GPHN: variants seen among roughly 807,000 people sequenced by gnomAD.
The protein encoded by GPHN is gephyrin.
GPHN carries 17 observed loss-of-function variants against 95.5 expected under a neutral mutation model. The observed-to-expected ratio is 0.18, with a 90% CI of 0.12 to 0.27. The LOEUF (loss-of-function observed/expected upper bound fraction) is 0.27, where lower values mean the gene tolerates loss of function less well. Among genes scored for constraint, GPHN ranks in the 10% least tolerant of loss-of-function variants. The pLI, the probability that GPHN is intolerant of heterozygous loss-of-function variation, is 1.00. For missense variants in GPHN, 660 were observed against 978.1 expected (o/e 0.67, Z 4.34); for synonymous variants, 320 against 322.5 (o/e 0.99, Z 0.08).
At chr14:66,863,528 A>C (rs189952399) in intron 4 of GPHN, among the ~76,000 whole-genome samples, 33 of 152,310 alleles carry the variant, frequency 2.2e-4, no homozygotes, top group African/African-American at 6.5e-4. Flanking sequence ...CTAAGCAAAA[A>C]GAACAAAACT....
intron 1 of GPHN, among the ~76,000 whole-genome samples, chr14:66,541,569 G>A (rs896050869): frequency 1.3e-5 from 2 of 152,140 alleles, no homozygotes; most frequent in African/African-American, 4.8e-5. Flanking sequence ...GCAATTCTTA[G>A]TGGTTCAGAT....
intron 2 of GPHN, among the ~76,000 whole-genome samples, chr14:66,750,242 A>G (rs1314604633): frequency 6.6e-6 from 1 of 151,980 alleles, no homozygotes; most frequent in Admixed American, 6.6e-5. Flanking sequence ...TTCATTTTGA[A>G]TTAATTTTTG....
the GPHN span, among the ~76,000 whole-genome samples, chr14:67,598,042 C>T: frequency 4.2e-3 from 642 of 152,294 alleles, 42 homozygotes; most frequent in East Asian, 0.11. Context: ...CTACTATCTG[C>T]ATTTTTTTCA....
At chr14:67,225,293 G>GGAAT in the GPHN span, 3 of 1,415,496 alleles carry the variant, frequency 2.1e-6, no homozygotes, top group African/African-American at 4.4e-5. Context: ...AGTCTCTATA[G>GGAAT]GAATACATGA....
chr14:67,189,735 G>A, the GPHN span: 1 of 152,000 alleles, frequency 6.6e-6, no homozygotes, highest in Admixed American at 6.6e-5. Flanking sequence ...AAGCTGAAAA[G>A]CCGAGAGACT....
At chr14:66,542,777 ACT>A (rs2059401752) in intron 1 of GPHN, among the ~76,000 whole-genome samples, 2 of 152,116 alleles carry the variant, frequency 1.3e-5, no homozygotes, top group Non-Finnish European at 2.9e-5. Context: ...GTGCTCAATG[ACT>A]CTAATTTCTT....
intron 9 of GPHN, among the ~76,000 whole-genome samples, chr14:66,997,925 A>T (rs2153608323): frequency 6.6e-6 from 1 of 152,330 alleles, no homozygotes; most frequent in Middle Eastern, 3.4e-3. Context: ...TCTTTTCTTA[A>T]TTCCCAAAGA....
chr14:66,940,102 C>A (rs889581913), intron 8 of GPHN, among the ~76,000 whole-genome samples: 2 of 151,968 alleles, frequency 1.3e-5, no homozygotes, highest in Non-Finnish European at 2.9e-5. Flanking sequence ...TGAGCTCAAT[C>A]CTAAGCCAAT....
chr14:67,320,264 A>C, the GPHN span: 1 of 1,613,486 alleles, frequency 6.2e-7, no homozygotes, highest in Non-Finnish European at 8.5e-7. Flanking sequence ...CCTATGAGGA[A>C]ATGTCACTTT....
chr14:66,743,737 A>G (rs9989183), intron 2 of GPHN, among the ~76,000 whole-genome samples: 47,663 of 152,054 alleles, frequency 0.31, 11,116 homozygotes, highest in African/African-American at 0.65. Flanking sequence ...GCGAGACTCC[A>G]TCTCAAAAAA....
chr14:66,993,257 C>T (rs2071553898), intron 9 of GPHN, among the ~76,000 whole-genome samples: 1 of 151,908 alleles, frequency 6.6e-6, no homozygotes, highest in African/African-American at 2.4e-5. Context: ...TAGATTTCCC[C>T]CTCTACACAC....
the GPHN span, chr14:67,725,367 G>A: frequency 9.0e-7 from 1 of 1,113,584 alleles, no homozygotes; most frequent in Non-Finnish European, 1.3e-6. Flanking sequence ...CCACTAGACA[G>A]GTTCTGCCAC....
intron 5 of GPHN, among the ~76,000 whole-genome samples, chr14:66,895,414 G>A (rs1596306989): frequency 6.6e-6 from 1 of 152,216 alleles, no homozygotes; most frequent in South Asian, 2.1e-4. Flanking sequence ...TGTAAATGAC[G>A]AGTTAATGGG....
At chr14:67,678,087 TATG>T in the GPHN span, 1 of 445,476 alleles carries the variant, frequency 2.2e-6, no homozygotes, top group Non-Finnish European at 4.1e-6. Flanking sequence ...CTTATCCTAT[TATG>T]ATATCTCTAG....
intron 4 of GPHN, among the ~76,000 whole-genome samples, chr14:66,852,383 G>C (rs1486392570): frequency 2.0e-5 from 3 of 148,456 alleles, no homozygotes; most frequent in Non-Finnish European, 3.0e-5. Flanking sequence ...AAAAAAATGT[G>C]TGTGTGTGCG....
At chr14:66,743,351 A>C (rs368299365) in intron 2 of GPHN, among the ~76,000 whole-genome samples, 1 of 151,966 alleles carries the variant, frequency 6.6e-6, no homozygotes, top group Non-Finnish European at 1.5e-5. Context: ...ATTCAATTTT[A>C]TTTTCTTTTT....
At chr14:66,568,618 A>T (rs879165150) in intron 1 of GPHN, among the ~76,000 whole-genome samples, 2 of 152,170 alleles carry the variant, frequency 1.3e-5, no homozygotes, top group Admixed American at 1.3e-4. Flanking sequence ...CCTTGGTTGG[A>T]AATAGCAATT....
the GPHN span, among the ~76,000 whole-genome samples, chr14:67,662,078 C>T: frequency 1.3e-5 from 2 of 151,740 alleles, no homozygotes; most frequent in Non-Finnish European, 2.9e-5. Context: ...ATGGTGTGAA[C>T]CCGGGAGGTG....
chr14:66,936,868 A>G (rs1244757109), intron 8 of GPHN, among the ~76,000 whole-genome samples: 1 of 152,248 alleles, frequency 6.6e-6, no homozygotes, highest in African/African-American at 2.4e-5. Flanking sequence ...TTGCATTTCT[A>G]TGGACAGGAA....
Sources: allele counts gnomAD v4.1 joint callset (sites outside exome capture counted in the v4.1 genomes callset), GRCh38; gene constraint gnomAD v4.1.1; transcripts MANE v1.5; gene names NCBI Gene and HGNC (gene_info 2026-07-23, HGNC 2026-07-21).